U2AF2: variants seen among roughly 807,000 people sequenced by gnomAD.
The protein encoded by U2AF2 is splicing factor U2AF 65 kDa subunit.
U2AF2 carries 6 observed loss-of-function variants against 52.6 expected under a neutral mutation model. The observed-to-expected ratio is 0.11, with a 90% CI of 0.06 to 0.23. The LOEUF (loss-of-function observed/expected upper bound fraction) is 0.23, where lower values mean the gene tolerates loss of function less well. Among genes scored for constraint, U2AF2 ranks in the 10% least tolerant of loss-of-function variants. U2AF2 has a pLI of 1.00. For synonymous variants in U2AF2, 284 were observed against 258.2 expected, an observed-to-expected ratio of 1.10 and a Z score of -0.96; for missense variants, 222 against 677.1, an observed-to-expected ratio of 0.33 and a Z score of 7.46.
intron 1 of U2AF2, among the ~76,000 whole-genome samples, chr19:55,656,641 T>C (rs923716624): frequency 2.0e-5 from 3 of 152,248 alleles, no homozygotes; most frequent in African/African-American, 7.2e-5. Context: ...CATGTTTTAC[T>C]AAGTGGATCC....
In U2AF2 at chr19:55,669,706, G is replaced by A. The variant is rs757478927; in HGVS notation, c.1293+14G>A. 19 of 1,587,532 alleles carry A rather than the reference G, an allele frequency of 1.2e-5. No homozygotes were observed. The highest frequency in any genetic ancestry group is 1.5e-5 in the Non-Finnish European group (17 of 1,164,982). On this transcript the variant is annotated intron_variant, in intron 11 of 11. Transcript: ENST00000308924. ...GGCTGCGGAAAGGTCAGGAGGCCTC[G>A]GGCTCAGTGCTCTCTCACCCTCTGC...
At chr19:55,673,840 G>T in intron 11 of U2AF2, 94 bp from the exon 12 acceptor site, 3 of 1,512,936 alleles carry the variant, frequency 2.0e-6, no homozygotes, top group Non-Finnish European at 2.7e-6. Flanking sequence ...CCTCCTCCCT[G>T]TCCCTTCCTG....
At position 55,663,771 on chromosome 19, in the gene U2AF2, C is replaced by T. The variant is rs773566721; in HGVS notation, c.742+27C>T. The T allele has an allele frequency of 5.0e-6, 8 of 1,613,446 alleles. No homozygotes were observed. The South Asian group carries it at 8.8e-5, about 18-fold the overall frequency. The stretch of plus-strand genomic sequence containing the variant: ...TGAGTGGGGGATCCATTAAGGGCCC[C>T]TTTCTCCCCCAGTCCTGTTCCCATG... On this transcript the variant is annotated intron_variant, in intron 7 of 11. Transcript: ENST00000308924.
chr19:55,660,148 T>G, intron 2 of U2AF2, 29 bp from the exon 3 acceptor site: 4 of 1,481,822 alleles, frequency 2.7e-6, no homozygotes, highest in Non-Finnish European at 3.7e-6. Flanking sequence ...CAGTCACCCC[T>G]CCCCATACCT....
At chr19:55,669,025 C>T in intron 9 of U2AF2, 58 bp from the exon 10 acceptor site, 1 of 1,580,634 alleles carries the variant, frequency 6.3e-7, no homozygotes, top group Non-Finnish European at 8.6e-7. Flanking sequence ...GTGTCGGGCT[C>T]CTGGTCCCTG....
intron 1 of U2AF2, 35 bp from the exon 2 acceptor site, chr19:55,659,175 G>A (rs201430625): frequency 3.3e-5 from 50 of 1,510,622 alleles, no homozygotes; most frequent in South Asian, 3.0e-4. Context: ...TCCTTACTCC[G>A]CTTATCCCGT....
At chr19:55,672,445 TTC>T (rs1187696051) in intron 11 of U2AF2, among the ~76,000 whole-genome samples, 2 of 152,186 alleles carry the variant, frequency 1.3e-5, no homozygotes, top group Non-Finnish European at 2.9e-5. Context: ...GTCAGATAAC[TTC>T]TCTGTGGGGG....
chr19:55,669,409 C>G, intron 10 of U2AF2, 35 bp from the exon 11 acceptor site: 1 of 1,566,804 alleles, frequency 6.4e-7, no homozygotes, highest in Non-Finnish European at 8.7e-7. Context: ...GGGTCTGGGC[C>G]CCCTGTGACG....
chr19:55,669,693 GTCAGGAGGCC>G lies in U2AF2; in HGVS notation c.1293+4_1293+13del. Reference sequence around the variant, plus strand: ...CGTCGAGGTGCCCGGCTGCGGAAAGGTCAGGAGGCCTCGGGCTCAGTGCTCTCTCACCCTC... The same window carrying G: ...CGTCGAGGTGCCCGGCTGCGGAAAGGTCGGGCTCAGTGCTCTCTCACCCTC... On this transcript the variant is annotated splice_donor_variant and splice_donor_5th_base_variant and intron_variant, in intron 11 of 11. Transcript: ENST00000308924. LOFTEE classifies it high-confidence loss of function. 1 of 1,598,766 alleles carries G rather than the reference GTCAGGAGGCC, an allele frequency of 6.3e-7. No homozygotes were observed. The highest frequency in any genetic ancestry group is 8.5e-7 in the Non-Finnish European group (1 of 1,171,186).
intron 11 of U2AF2, chr19:55,672,100 G>A (rs1299213591): frequency 2.0e-5 from 3 of 150,942 alleles, no homozygotes; most frequent in Non-Finnish European, 4.4e-5. Flanking sequence ...CTGCACTCCA[G>A]CCTGGGTGAC....
intron 5 of U2AF2, 31 bp from the exon 6 acceptor site, chr19:55,662,471 C>T (rs1984278455): frequency 9.2e-7 from 1 of 1,088,070 alleles, no homozygotes; most frequent in Non-Finnish European, 1.3e-6. Context: ...CCTTCCCCCG[C>T]CCCCCCCCTT....
chr19:55,655,445 A>C (rs574864633), intron 1 of U2AF2, among the ~76,000 whole-genome samples: 1 of 152,238 alleles, frequency 6.6e-6, no homozygotes, highest in African/African-American at 2.4e-5. Context: ...CGAGCGCGCC[A>C]GATGCCTCGA....
rs978459914 is a variant in U2AF2, at chr19:55,674,134, A to T, written c.*66A>T. ...TTCTCCCCACTCCCGCCCCCCCCTT[A>T]TCCCCCTCTGAAGACGATGGGCAGA... On this transcript the variant is annotated 3_prime_UTR_variant, in exon 12 of 12. Transcript: ENST00000308924. The T allele has an allele frequency of 3.0e-5, 43 of 1,447,860 alleles. No individual in the cohort carries two copies. Among genetic ancestry groups the T allele is most frequent in the South Asian group, 1.4e-4 (11 of 76,124 alleles). 89.7% of individuals were successfully genotyped at this position (1,447,860 alleles called of 1,614,324 possible).
chr19:55,670,469 G>A (rs537244172), intron 11 of U2AF2, among the ~76,000 whole-genome samples: 8 of 28,772 alleles, frequency 2.8e-4, no homozygotes, highest in African/African-American at 6.9e-4. Context: ...CTGCTGTCCC[G>A]TGCACCCTGC....
chr19:55,655,363 G>A (rs952533568), intron 1 of U2AF2, among the ~76,000 whole-genome samples: 2 of 152,292 alleles, frequency 1.3e-5, no homozygotes, highest in South Asian at 2.1e-4. Context: ...GCGCGGGCCC[G>A]TGACGCATGC....
chr19:55,669,781 C>G (rs1984769634), intron 11 of U2AF2, 89 bp downstream of exon 11: 2 of 1,458,764 alleles, frequency 1.4e-6, no homozygotes, highest in Non-Finnish European at 1.8e-6. Context: ...CCCTCACCCT[C>G]TCCCCCTCCT....
intron 1 of U2AF2, among the ~76,000 whole-genome samples, chr19:55,655,631 C>G (rs938826060): frequency 3.3e-4 from 50 of 152,298 alleles, no homozygotes; most frequent in African/African-American, 1.1e-3. Flanking sequence ...GGTGGGGGGG[C>G]CCCTTTCCTT....
At chr19:55,669,263 C>A in intron 10 of U2AF2, 82 bp downstream of exon 10, 1 of 1,568,814 alleles carries the variant, frequency 6.4e-7, no homozygotes, top group Admixed American at 1.8e-5. Context: ...TGATCTTTCT[C>A]CCAGCTTTCA....
At position 55,674,384 on chromosome 19, in the gene U2AF2, A is replaced by C; in HGVS notation, c.*316A>C. 3.3e-6 allele frequency: 1 copy of C among 306,052 alleles called. No individual in the cohort carries two copies. The highest frequency in any genetic ancestry group is 7.3e-5 in the East Asian group (1 of 13,772). 19.0% of individuals were successfully genotyped at this position (306,052 alleles called of 1,614,324 possible). On this transcript the variant is annotated 3_prime_UTR_variant, in exon 12 of 12. Transcript: ENST00000308924. ...GGGGTAGGACCCCAGCCCCTCCCAA[A>C]ACAGCCTCTCCTTCTCCCATAGACC...
Sources: gnomAD v4.1 joint callset for allele counts (sites outside exome capture counted in the v4.1 genomes callset) on GRCh38, gnomAD v4.1.1 for gene constraint, MANE v1.5 for transcripts, NCBI Gene and HGNC (gene_info 2026-07-23, HGNC 2026-07-21) for gene names.